Variants in LMNA observed in about 807,000 individuals in gnomAD.
The protein encoded by LMNA is lamin A/C, also known as lamin.
In LMNA, 20 loss-of-function variants were observed where a neutral mutation model predicts 70.4. The ratio of observed to expected loss-of-function variants is 0.28; its 90% CI spans 0.20 to 0.41. The LOEUF is 0.41. Among genes scored for constraint, LMNA ranks in the 10% least tolerant of loss-of-function variants. The pLI is 1.00. For missense variants in LMNA, 652 were observed against 917.2 expected (o/e 0.71, Z 3.73); for synonymous variants, 339 against 372.8 (o/e 0.91, Z 1.04).
At chr1:156,125,621 G>A (rs1317565132) in intron 1 of LMNA, among the ~76,000 whole-genome samples, 2 of 152,130 alleles carry the variant, frequency 1.3e-5, no homozygotes, top group African/African-American at 2.4e-5. Context: ...CCTGGGAGGT[G>A]GAGGTTGCAG....
chr1:156,114,763 G>T lies in LMNA; in HGVS notation c.-156G>T, dbSNP rs1558115519. ...CCAGCCAACCCAGATCCCGAGGTCC[G>T]ACAGCGCCCGGCCCAGATCCCCACG... On this transcript the variant is annotated 5_prime_UTR_variant, in exon 1 of 12. Coordinates refer to ENST00000368300, the MANE Select transcript of LMNA (RefSeq NM_170707.4). 4 of 604,250 alleles carry T rather than the reference G, an allele frequency of 6.6e-6. No homozygotes were observed. Among genetic ancestry groups the T allele is most frequent in the South Asian group, 4.2e-5 (2 of 47,886 alleles). 37.4% of individuals were successfully genotyped at this position (604,250 alleles called of 1,614,324 possible).
Position 156,115,173 on chromosome 1 carries a change from C to T in LMNA, c.255C>T (p.Leu85=). The change falls in exon 1 of 12, where the codon CTC becomes CTT. Residue 85 remains leucine (L), a synonymous_variant. Transcript: ENST00000368300. The surrounding 1 kb of genome is among the most constrained non-coding windows in gnomAD (Gnocchi z 5.8). ...TCAAGGCCGCCTACGAGGCCGAGCT[C>T]GGGGATGCCCGCAAGACCCTTGACT... ...SGIKAAYEAE[L]GDARKTLDSV... 1 of 1,612,528 alleles carries T rather than the reference C, an allele frequency of 6.2e-7. No individual in the cohort carries two copies. Among genetic ancestry groups the T allele is most frequent in the Non-Finnish European group, 8.5e-7 (1 of 1,179,492 alleles).
chr1:156,115,394 C>A lies in LMNA; in HGVS notation c.356+120C>A. 1.1e-6 allele frequency: 1 copy of A among 884,282 alleles called. No individual in the cohort carries two copies. The highest frequency in any genetic ancestry group is 2.0e-5 in the Admixed American group (1 of 49,626). 54.8% of individuals were successfully genotyped at this position (884,282 alleles called of 1,614,324 possible). A position where few individuals can be genotyped will look rare whatever the true frequency, so the allele number is the denominator to read the frequency against. ...TGGAGGCCGATAACTTTGCCATAGT[C>A]TCCTCCCTCCCCGGAACTGCCCCCA... On this transcript the variant is annotated intron_variant, in intron 1 of 11. Transcript: ENST00000368300. This position sits in a 1 kb window ranked among gnomAD's most constrained non-coding sequence, Gnocchi z 5.8.
rs184743538 is a variant in LMNA at position 156,131,777 on chromosome 1, C to T, written c.513+1004C>T. On this transcript the variant is annotated intron_variant, in intron 2 of 11. Transcript: ENST00000368300. Reference sequence around the variant, plus strand: ...GATCATTTATTGAGGCCATCAGAAGCGGATGGCTAATTACATATGGGACAT... The same window carrying T: ...GATCATTTATTGAGGCCATCAGAAGTGGATGGCTAATTACATATGGGACAT... Among the ~76,000 whole-genome samples the T allele has an allele frequency of 8.7e-4, 132 of 152,252 alleles. 1 individual carries two copies. The highest frequency in any genetic ancestry group is 2.3e-3 in the African/African-American group (95 of 41,544).
At chr1:156,124,889 C>T (rs546931488) in intron 1 of LMNA, among the ~76,000 whole-genome samples, 1 of 152,182 alleles carries the variant, frequency 6.6e-6, no homozygotes, top group African/African-American at 2.4e-5. Context: ...GAGGCAGACA[C>T]GCTTCCCAGA....
At chr1:156,084,210 G>C (rs186320426) in intron 2 of LMNA, among the ~76,000 whole-genome samples, 1 of 152,186 alleles carries the variant, frequency 6.6e-6, no homozygotes, top group African/African-American at 2.4e-5. Context: ...CACAGACTTA[G>C]CAATGTGGGG....
intron 1 of LMNA, chr1:156,126,452 A>C (rs1168146800): frequency 5.4e-5 from 33 of 615,624 alleles, no homozygotes; most frequent in Non-Finnish European, 5.9e-6. Flanking sequence ...TGGCTTCCAT[A>C]TCTGGCATCA....
At chr1:156,095,567 G>A (rs1312223097) in intron 3 of LMNA, among the ~76,000 whole-genome samples, 6 of 151,142 alleles carry the variant, frequency 4.0e-5, no homozygotes, top group African/African-American at 4.9e-5. Flanking sequence ...AGGTTGGGCA[G>A]GCTGGTCTCG....
chr1:156,086,426 T>TCTCTCTCTCTCTCTCTCTCTC (rs1375166588), intron 2 of LMNA, among the ~76,000 whole-genome samples: 8 of 95,814 alleles, frequency 8.3e-5, no homozygotes, highest in African/African-American at 3.6e-4. Context: ...CTCTCTCTCT[T>TCTCTCTCTCTCTCTCTCTCTC]TTGTCTTTCT....
At position 156,106,239 on chromosome 1, in the gene LMNA, C is replaced by A. The variant is rs187743578; in HGVS notation, c.-206-8474C>A. On this transcript the variant is annotated intron_variant, in intron 3 of 12. Coordinates refer to the LMNA transcript ENST00000368301. ...AGGCTCCACAAACATTTGGCCCACA[C>A]TGGGTTGAGGGTGAGGGAGAAAGGG... Among the ~76,000 whole-genome samples, 112 of 152,342 alleles carry A rather than the reference C, an allele frequency of 7.4e-4. 1 individual carries two copies. The highest frequency in any genetic ancestry group is 9.6e-4 in the Non-Finnish European group (65 of 68,036).
chr1:156,134,750 C>A lies in LMNA; in HGVS notation c.640-55C>A, dbSNP rs899319164. ...GGGAGCCCCGCCCCTGGGTCTTGGC[C>A]TCCCAGGAACTAATTCTGATTTTGG... On this transcript the variant is annotated intron_variant, in intron 3 of 11. Transcript: ENST00000368300. This position sits in a 1 kb window ranked among gnomAD's most constrained non-coding sequence, Gnocchi z 5.3. 1.9e-6 allele frequency: 3 copies of A among 1,610,566 alleles called. No homozygotes were observed. Among genetic ancestry groups the A allele is most frequent in the Non-Finnish European group, 2.5e-6 (3 of 1,177,120 alleles).
chr1:156,115,904 C>G lies in LMNA; in HGVS notation c.356+630C>G, dbSNP rs1157698196. Among the ~76,000 whole-genome samples the G allele has an allele frequency of 5.3e-5, 8 of 152,230 alleles. No individual in the cohort carries two copies. The highest frequency in any genetic ancestry group is 1.2e-4 in the African/African-American group (5 of 41,468). ...GGTTCTAAGGGTTGGGAAGTTCTCCCTCACTCTGCCACTCTGCGTGTCTGG... is the reference window on the plus strand; with the variant it reads ...GGTTCTAAGGGTTGGGAAGTTCTCCGTCACTCTGCCACTCTGCGTGTCTGG... On this transcript the variant is annotated intron_variant, in intron 1 of 11. Coordinates refer to ENST00000368300, the MANE Select transcript of LMNA (RefSeq NM_170707.4). This position sits in a 1 kb window ranked among gnomAD's most constrained non-coding sequence, Gnocchi z 5.8.
rs1295325491 is a variant in LMNA at position 156,136,787 on chromosome 1, C to T, written c.1381-134C>T. On this transcript the variant is annotated intron_variant, in intron 7 of 11. Transcript: ENST00000368300. This position sits in a 1 kb window ranked among gnomAD's most constrained non-coding sequence, Gnocchi z 6.1. ...ATGGCTATTATCCCCGGGGGAAGGG[C>T]AGTGACAGGGGTGTGTGTAGATGGA... The T allele has an allele frequency of 2.6e-6, 2 of 765,092 alleles. No individual in the cohort carries two copies. The highest frequency in any genetic ancestry group is 4.0e-5 in the Admixed American group (2 of 49,990). 47.4% of individuals were successfully genotyped at this position (765,092 alleles called of 1,614,324 possible). A position where few individuals can be genotyped will look rare whatever the true frequency, so the allele number is the denominator to read the frequency against.
intron 1 of LMNA, among the ~76,000 whole-genome samples, chr1:156,120,562 T>C (rs1286630516): frequency 2.0e-5 from 3 of 152,022 alleles, no homozygotes; most frequent in Non-Finnish European, 4.4e-5. Context: ...GACCCCCTTC[T>C]GTACAAAAAA....
At chr1:156,124,282 C>CCT (rs373136704) in intron 1 of LMNA, among the ~76,000 whole-genome samples, 2,974 of 150,964 alleles carry the variant, frequency 0.02, 92 homozygotes, top group African/African-American at 0.068. Context: ...CCCCTCAGTT[C>CCT]CTCTCTCTCT....
intron 1 of LMNA, among the ~76,000 whole-genome samples, chr1:156,127,492 CAAAT>C (rs1459542870): frequency 7.2e-6 from 1 of 139,546 alleles, no homozygotes; most frequent in Non-Finnish European, 1.6e-5. Flanking sequence ...CAGGGAAAGA[CAAAT>C]AACCCCCTTA....
intron 3 of LMNA, among the ~76,000 whole-genome samples, chr1:156,105,001 G>A (rs1002821594): frequency 6.6e-6 from 1 of 152,206 alleles, no homozygotes; most frequent in East Asian, 1.9e-4. Flanking sequence ...CAGGGCCTGA[G>A]AGCATGCCAG....
At position 156,087,903 on chromosome 1, in the gene LMNA, C is replaced by T. The variant is rs151145850; in HGVS notation, c.-318-2568C>T. 2.5e-3 allele frequency among the ~76,000 whole-genome samples: 371 copies of T among 148,758 alleles called. 1 individual carries two copies. Among genetic ancestry groups the T allele is most frequent in the Non-Finnish European group, 4.0e-3 (268 of 67,404 alleles). ...CTTTTTTTTTTTTGAGATGGTGTCTCGCTCGGTCACCAGGCTGGGGCGCAG... is the reference window on the plus strand; with the variant it reads ...CTTTTTTTTTTTTGAGATGGTGTCTTGCTCGGTCACCAGGCTGGGGCGCAG... On this transcript the variant is annotated intron_variant, in intron 2 of 12. Coordinates refer to the LMNA transcript ENST00000368301.
chr1:156,129,687 G>A, intron 1 of LMNA: 1 of 605,630 alleles, frequency 1.7e-6, no homozygotes, highest in South Asian at 2.0e-5. Flanking sequence ...GTTCTCTGGA[G>A]GTTTTTAAGA....
Sources: gnomAD v4.1 joint callset for allele counts (sites outside exome capture counted in the v4.1 genomes callset) on GRCh38, gnomAD v4.1.1 for gene constraint, Gnocchi (gnomAD v3.1) non-coding constraint, MANE v1.5 for transcripts, NCBI Gene and HGNC (gene_info 2026-07-23, HGNC 2026-07-21) for gene names.